Variants in GCLC observed in about 807,000 individuals in gnomAD.
GCLC encodes the protein glutamate--cysteine ligase catalytic subunit.
In GCLC, 30 loss-of-function variants were observed where a neutral mutation model predicts 81.5. The observed-to-expected ratio is 0.37, with a 90% CI of 0.28 to 0.50. GCLC has a LOEUF of 0.50. Among genes scored for constraint, GCLC ranks in the 20% least tolerant of loss-of-function variants. The probability of loss-of-function intolerance (pLI) is 0.96; values close to 1 mark genes in which losing one functional copy is unlikely to be tolerated. For missense variants in GCLC, 556 were observed against 777.4 expected (o/e 0.72, Z 3.39); for synonymous variants, 262 against 273.3 (o/e 0.96, Z 0.41).
At chr6:53,515,500 T>C (rs1462358821) in intron 4 of GCLC, among the ~76,000 whole-genome samples, 1 of 152,262 alleles carries the variant, frequency 6.6e-6, no homozygotes, top group African/African-American at 2.4e-5. Flanking sequence ...GTTAAAGGAA[T>C]GAACGCTGAG....
chr6:53,499,842 T>G (rs1764470145), intron 15 of GCLC, among the ~76,000 whole-genome samples: 2 of 152,156 alleles, frequency 1.3e-5, no homozygotes, highest in Admixed American at 1.3e-4. Context: ...CACCCCTATT[T>G]TATGAACTGA....
chr6:53,501,372 T>G (rs1484124509), intron 12 of GCLC: 1 of 152,290 alleles, frequency 6.6e-6, no homozygotes, highest in African/African-American at 2.4e-5. Context: ...AGATCACTGC[T>G]GTTTTACCCA....
chr6:53,500,669 A>G, intron 12 of GCLC, 156 bp from the exon 13 acceptor site: 1 of 673,774 alleles, frequency 1.5e-6, no homozygotes, highest in East Asian at 2.6e-5. Context: ...CTTTTTATTT[A>G]TGTGAGGACT....
chr6:53,508,588 T>C lies in GCLC; in HGVS notation c.945+7A>G. 6.5e-7 allele frequency: 1 copy of C among 1,543,290 alleles called. No individual in the cohort carries two copies. Among genetic ancestry groups the C allele is most frequent in the Non-Finnish European group, 9.0e-7 (1 of 1,115,294 alleles). ...TAAAAGGGCTATTAAGGAAAAACAA[T>C]TCCCACCTCCAGTCCTCGCTCCTCC... On this transcript the variant is annotated splice_region_variant and intron_variant, in intron 8 of 15. Transcript: ENST00000650454.
At position 53,544,501 on chromosome 6, in the gene GCLC, C is replaced by T; in HGVS notation, c.145G>A (p.Asp49Asn). The T allele has an allele frequency of 6.2e-7, 1 of 1,607,824 alleles. No homozygotes were observed. The highest frequency in any genetic ancestry group is 8.5e-7 in the Non-Finnish European group (1 of 1,179,554). ...DRHKDVLKWG[D>N]EVEYMLVSFD... The stretch of plus-strand genomic sequence containing the variant: ...CGGGGACCGCGGGCGCTCACCTCAT[C>T]GCCCCACTTGAGAACGTCCTTGTGC... The change falls in exon 1 of 16, where the codon GAT (aspartate) becomes AAT (asparagine). Residue 49 changes from aspartate (D) to asparagine (N), a missense_variant. Asp to Asn is a conservative substitution (Grantham distance 23). Around this residue, in one of 3 missense-constraint regions of GCLC, gnomAD observed 234 missense variants for 303.8 expected, o/e 0.77. Transcript: ENST00000650454.
At chr6:53,536,127 A>G (rs1189477451) in intron 1 of GCLC, among the ~76,000 whole-genome samples, 2 of 152,256 alleles carry the variant, frequency 1.3e-5, no homozygotes, top group Non-Finnish European at 2.9e-5. Context: ...GACACATGTA[A>G]CAACATGGAT....
rs1764613021 is a variant in GCLC at position 53,506,287 on chromosome 6, T to C, written c.1198-392A>G. 2 of 299,594 alleles carry C rather than the reference T, an allele frequency of 6.7e-6. No individual in the cohort carries two copies. The highest frequency in any genetic ancestry group is 4.7e-5 in the Admixed American group (1 of 21,074). 18.6% of individuals were successfully genotyped at this position (299,594 alleles called of 1,614,324 possible). ...TGTCACATGACAGTTGTTTCCTTTC[T>C]TCCTCCTCTCCTGGGAATGCTGCTG... is the stretch of plus-strand genomic sequence containing the variant. On this transcript the variant is annotated intron_variant, in intron 10 of 15. Transcript: ENST00000650454. This position sits in a 1 kb window ranked among gnomAD's most constrained non-coding sequence, Gnocchi z 4.0.
chr6:53,522,286 T>C (rs1270719527), intron 2 of GCLC, 129 bp downstream of exon 2: 19 of 687,510 alleles, frequency 2.8e-5, no homozygotes, highest in Non-Finnish European at 4.7e-5. Context: ...TTTGAAACTA[T>C]GGCAACCTGA....
chr6:53,506,110 A>C lies in GCLC; in HGVS notation c.1198-215T>G, dbSNP rs1764609652. 2.0e-6 allele frequency: 1 copy of C among 511,808 alleles called. No individual in the cohort carries two copies. Among genetic ancestry groups the C allele is most frequent in the Non-Finnish European group, 3.6e-6 (1 of 279,784 alleles). The allele number at this position is 511,808 out of a possible 1,614,324, so 31.7% of individuals were successfully genotyped here. On this transcript the variant is annotated intron_variant, in intron 10 of 15. Coordinates refer to ENST00000650454, the MANE Select transcript of GCLC (RefSeq NM_001498.4). The surrounding 1 kb of genome is among the most constrained non-coding windows in gnomAD (Gnocchi z 4.0). ...TTAACAAAAGCTATGAGGCCCTATCACTGCAAGCTTAATCTCACCCAGCTC... is the reference window on the plus strand; with the variant it reads ...TTAACAAAAGCTATGAGGCCCTATCCCTGCAAGCTTAATCTCACCCAGCTC...
intron 12 of GCLC, among the ~76,000 whole-genome samples, chr6:53,501,715 A>G (rs1473428177): frequency 6.6e-6 from 1 of 152,234 alleles, no homozygotes; most frequent in Non-Finnish European, 1.5e-5. Flanking sequence ...TAGATACTCT[A>G]GGAGCATACT....
chr6:53,520,505 A>T (rs974829025), intron 3 of GCLC, among the ~76,000 whole-genome samples: 1 of 152,196 alleles, frequency 6.6e-6, no homozygotes. Context: ...AGACACGGCC[A>T]CACTGCTGGT....
intron 1 of GCLC, among the ~76,000 whole-genome samples, chr6:53,525,417 G>A (rs1763063709): frequency 2.0e-5 from 3 of 152,090 alleles, no homozygotes; most frequent in South Asian, 4.2e-4. Context: ...TTAAGACAAC[G>A]ATTTTCCAAT....
chr6:53,543,910 C>T (rs751283199), intron 1 of GCLC, among the ~76,000 whole-genome samples: 25 of 152,176 alleles, frequency 1.6e-4, no homozygotes, highest in Admixed American at 8.5e-4. Flanking sequence ...AGGGAAGGTT[C>T]CTCCCCCATG....
rs140645414 is a variant in GCLC at position 53,525,777 on chromosome 6, G to GA, written c.151-3251dup. On this transcript the variant is annotated intron_variant, in intron 1 of 15. Coordinates refer to ENST00000650454, the MANE Select transcript of GCLC (RefSeq NM_001498.4). ...TTAACATATCATCTTGGAAGTAGGGGAAAAAAATACCCACCGACCTCTATT... is the reference window on the plus strand; with the variant it reads ...TTAACATATCATCTTGGAAGTAGGGGAAAAAAAATACCCACCGACCTCTATT... Among the ~76,000 whole-genome samples, 561 of 152,042 alleles carry GA rather than the reference G, an allele frequency of 3.7e-3. 6 individuals are homozygous for GA. The highest frequency in any genetic ancestry group is 0.013 in the African/African-American group (539 of 41,454).
At position 53,500,486 on chromosome 6, in the gene GCLC, T is replaced by C; in HGVS notation, c.1423A>G (p.Lys475Glu). ...ATTCCCTGCAAGACAGCATCTCTTT[T>C]CTGTGCTACCTTCATGTTCTCATCA... is the stretch of plus-strand genomic sequence containing the variant. Reference protein sequence around the residue: ...KVDENMKVAQKRDAVLQGMFY... With the variant: ...KVDENMKVAQERDAVLQGMFY... The change falls in exon 13 of 16, where the codon AAA (lysine) becomes GAA (glutamate). Residue 475 changes from lysine (K) to glutamate (E), a missense_variant. Lys to Glu is a moderately conservative substitution (Grantham distance 56, BLOSUM62 1). Transcript: ENST00000650454. 6.2e-7 allele frequency: 1 copy of C among 1,611,854 alleles called. No homozygotes were observed. Among genetic ancestry groups the C allele is most frequent in the Non-Finnish European group, 8.5e-7 (1 of 1,178,088 alleles).
In GCLC at chr6:53,498,678, A is replaced by AT; in HGVS notation, c.*77dup. On this transcript the variant is annotated 3_prime_UTR_variant, in exon 16 of 16. Coordinates refer to ENST00000650454, the MANE Select transcript of GCLC (RefSeq NM_001498.4). ...TACAGTTCTATCATTTGGTCTTCAT[A>AT]TTATACACACGGGCTGGCTGAGAGG... 1 of 886,658 alleles carries AT rather than the reference A, an allele frequency of 1.1e-6. No individual in the cohort carries two copies. The highest frequency in any genetic ancestry group is 1.8e-6 in the Non-Finnish European group (1 of 544,598). The allele number at this position is 886,658 out of a possible 1,614,324, so 54.9% of individuals were successfully genotyped here. A position where few individuals can be genotyped will look rare whatever the true frequency, so the allele number is the denominator to read the frequency against.
chr6:53,518,016 C>T (rs1488944739), intron 3 of GCLC, among the ~76,000 whole-genome samples: 2 of 152,178 alleles, frequency 1.3e-5, no homozygotes, highest in Admixed American at 1.3e-4. Flanking sequence ...TCCTTTCTCT[C>T]TTGATCCTAT....
intron 1 of GCLC, among the ~76,000 whole-genome samples, chr6:53,530,517 G>A (rs1000509525): frequency 6.6e-6 from 1 of 152,234 alleles, no homozygotes; most frequent in African/African-American, 2.4e-5. Context: ...CCTGGGAAGA[G>A]ATCGACACAG....
chr6:53,544,379 C>A (rs1305792022), intron 1 of GCLC, 117 bp downstream of exon 1: 6 of 1,070,140 alleles, frequency 5.6e-6, no homozygotes, highest in Non-Finnish European at 8.3e-6. Flanking sequence ...GCTCGAGGAC[C>A]CCCGGGCGCA....
Sources: allele counts gnomAD v4.1 joint callset (sites outside exome capture counted in the v4.1 genomes callset), GRCh38; gene constraint gnomAD v4.1.1; regional missense constraint gnomAD v4.1.1; non-coding constraint Gnocchi (gnomAD v3.1); transcripts MANE v1.5; gene names NCBI Gene and HGNC (gene_info 2026-07-23, HGNC 2026-07-21).